PRKX: variants seen among roughly 807,000 people sequenced by gnomAD.
PRKX encodes protein kinase cAMP-dependent X-linked catalytic subunit.
A neutral mutation model predicts 22.0 loss-of-function variants in PRKX; 12 were observed. The ratio of observed to expected loss-of-function variants is 0.54; its 90% confidence interval spans 0.35 to 0.88. The LOEUF is 0.88. Among genes scored for constraint, PRKX ranks in the 40% least tolerant of loss-of-function variants. The probability of loss-of-function intolerance (pLI) is 0.01; values close to 1 mark genes in which losing one functional copy is unlikely to be tolerated. For synonymous variants in PRKX, 134 were observed against 137.7 expected, an observed-to-expected ratio of 0.97 and a Z score of 0.19; for missense variants, 217 against 308.0, an observed-to-expected ratio of 0.70 and a Z score of 2.21.
rs1029046506 is a variant in PRKX, at chrX:3,671,848, T to C, written c.335+2750A>G. Among the ~76,000 whole-genome samples the C allele has an allele frequency of 4.5e-5, 5 of 110,443 alleles. No individual in the cohort carries two copies. In the Admixed American group the frequency reaches 4.8e-4, roughly 11 times the overall value. ...ACAGAAAATTTTAAAATGAGGTAGG[T>C]GTGGTGGTGCACACCTGTAATCCCA... On this transcript the variant is annotated intron_variant, in intron 2 of 8. Transcript: ENST00000262848.
intron 2 of PRKX, among the ~76,000 whole-genome samples, chrX:3,663,300 T>C (rs1927643603): frequency 1.8e-5 from 2 of 108,239 alleles, no homozygotes; most frequent in South Asian, 4.1e-4. Flanking sequence ...TGTTTGAGAA[T>C]TGGAAAGGGG....
intron 4 of PRKX, among the ~76,000 whole-genome samples, chrX:3,638,800 A>C (rs1356874420): frequency 2.8e-4 from 31 of 109,340 alleles, no homozygotes; most frequent in Middle Eastern, 9.7e-3. Context: ...TAGATGATTG[A>C]TAGATGGATA....
rs1356611274 is a variant in PRKX, at chrX:3,688,548, C to T, written c.167-13782G>A. Among the ~76,000 whole-genome samples, 8 of 87,473 alleles carry T rather than the reference C, an allele frequency of 9.1e-5. 1 individual carries two copies. The highest frequency in any genetic ancestry group is 1.1e-4 in the Admixed American group (1 of 8,832). 76.0% of individuals were successfully genotyped at this position (87,473 alleles called of 115,157 possible). On this transcript the variant is annotated intron_variant, in intron 1 of 8. Transcript: ENST00000262848. The stretch of plus-strand genomic sequence containing the variant: ...CCTGCCACATTAGCTTGGGAGGGAA[C>T]ATGCTCTTGTTCCACACCTATAGAT...
At chrX:3,700,486 C>G (rs1928537417) in intron 1 of PRKX, among the ~76,000 whole-genome samples, 1 of 112,235 alleles carries the variant, frequency 8.9e-6, no homozygotes, top group Non-Finnish European at 1.9e-5. Context: ...TTGTATTCAA[C>G]TATCCAGGGA....
intron 4 of PRKX, among the ~76,000 whole-genome samples, chrX:3,637,813 C>G (rs1926925045): frequency 9.5e-6 from 1 of 105,806 alleles, no homozygotes; most frequent in African/African-American, 3.5e-5. Flanking sequence ...GTTGCCCAGG[C>G]TGGAGTGCAG....
intron 7 of PRKX, 145 bp downstream of exon 7, chrX:3,615,670 G>A: frequency 1.9e-6 from 1 of 528,513 alleles, no homozygotes; most frequent in Non-Finnish European, 3.1e-6. Flanking sequence ...GGGGAACTTG[G>A]CTTATGAACA....
chrX:3,689,084 T>A (rs1043637381), intron 1 of PRKX, among the ~76,000 whole-genome samples: 5 of 112,258 alleles, frequency 4.5e-5, no homozygotes, highest in Non-Finnish European at 9.4e-5. Flanking sequence ...AAATAGTTCA[T>A]CAACATAGGT....
chrX:3,655,056 T>A, intron 3 of PRKX, 93 bp downstream of exon 3: 1 of 1,105,093 alleles, frequency 9.0e-7, no homozygotes, highest in Non-Finnish European at 1.2e-6. Flanking sequence ...AAACTCTGGT[T>A]CCCAATCTTT....
rs568322250 is a variant in PRKX at position 3,675,613 on chromosome X, G to A, written c.167-847C>T. 1.5e-4 allele frequency among the ~76,000 whole-genome samples: 16 copies of A among 109,006 alleles called. No homozygotes were observed. In the South Asian group the frequency reaches 6.1e-3, roughly 41 times the overall value. The allele number at this position is 109,006 out of a possible 115,157, so 94.7% of individuals were successfully genotyped here. ...TCCCACTGGGGTGCATGTAAATGAAGAAATCTAATAGTCAATGAGATATAA... is the reference window on the plus strand; with the variant it reads ...TCCCACTGGGGTGCATGTAAATGAAAAAATCTAATAGTCAATGAGATATAA... On this transcript the variant is annotated intron_variant, in intron 1 of 8. Coordinates refer to ENST00000262848, the MANE Select transcript of PRKX (RefSeq NM_005044.5).
At chrX:3,658,882 T>A (rs886503376) in intron 2 of PRKX, among the ~76,000 whole-genome samples, 8 of 111,409 alleles carry the variant, frequency 7.2e-5, no homozygotes, top group African/African-American at 2.6e-4. Context: ...GATGGTCTTG[T>A]CTGCTAGCAC....
intron 3 of PRKX, among the ~76,000 whole-genome samples, chrX:3,650,521 A>AG (rs1927304078): frequency 6.2e-4 from 1 of 1,605 alleles, no homozygotes; most frequent in Non-Finnish European, 1.6e-3. Context: ...ACTCCTCTCC[A>AG]AAAAAAAAAA....
rs1325478152 is a variant in PRKX, at chrX:3,680,768, T to C, written c.167-6002A>G. 5.4e-5 allele frequency among the ~76,000 whole-genome samples: 6 copies of C among 112,102 alleles called. No individual in the cohort carries two copies. The East Asian group carries it at 1.7e-3, about 32-fold the overall frequency. ...GGCGGCTTGGGGGCTGGGGGGAATC[T>C]ACAGCCAGGCACCGTAGCTCGCAAC... On this transcript the variant is annotated intron_variant, in intron 1 of 8. Coordinates refer to ENST00000262848, the MANE Select transcript of PRKX (RefSeq NM_005044.5).
chrX:3,709,256 T>C (rs1192967439), intron 1 of PRKX, among the ~76,000 whole-genome samples: 3 of 108,122 alleles, frequency 2.8e-5, no homozygotes, highest in Admixed American at 1.0e-4. Context: ...ATCGATGACA[T>C]GGTTCTGATA....
intron 1 of PRKX, among the ~76,000 whole-genome samples, chrX:3,689,190 A>T (rs1232708829): frequency 8.9e-6 from 1 of 112,586 alleles, no homozygotes; most frequent in African/African-American, 3.2e-5. Context: ...ATCATCCTCA[A>T]ACTCAGTTCT....
chrX:3,703,623 T>A (rs1286423287), intron 1 of PRKX, among the ~76,000 whole-genome samples: 2 of 108,970 alleles, frequency 1.8e-5, no homozygotes, highest in Non-Finnish European at 3.8e-5. Flanking sequence ...GGAGAATTGC[T>A]GGGAGGCTTC....
At chrX:3,688,884 A>G (rs1254460911) in intron 1 of PRKX, among the ~76,000 whole-genome samples, 1 of 109,071 alleles carries the variant, frequency 9.2e-6, no homozygotes, top group South Asian at 4.0e-4. Context: ...AAAAAAAAAA[A>G]AAAAAGTGAG....
intron 4 of PRKX, among the ~76,000 whole-genome samples, chrX:3,629,482 G>A (rs1024619717): frequency 2.8e-5 from 3 of 106,713 alleles, no homozygotes; most frequent in Admixed American, 1.0e-4. Flanking sequence ...GGTCTCAAAC[G>A]CTTGGGCTCA....
chrX:3,673,657 AG>A (rs1196816398), intron 2 of PRKX, among the ~76,000 whole-genome samples: 1 of 110,776 alleles, frequency 9.0e-6, no homozygotes. Flanking sequence ...ATTGGATGGA[AG>A]GCACCCATGG....
chrX:3,624,574 T>C (rs1380664953), intron 5 of PRKX, among the ~76,000 whole-genome samples: 1 of 110,749 alleles, frequency 9.0e-6, no homozygotes, highest in African/African-American at 3.3e-5. Context: ...CCACAGAACA[T>C]TGGAAACCCC....
Sources: allele counts gnomAD v4.1 joint callset (sites outside exome capture counted in the v4.1 genomes callset), GRCh38; gene constraint gnomAD v4.1.1; transcripts MANE v1.5; gene names NCBI Gene and HGNC (gene_info 2026-07-23, HGNC 2026-07-21).